The following GOLPH3L variants were observed in gnomAD, a reference collection of about 807,000 sequenced individuals.
GOLPH3L encodes golgi phosphoprotein 3 like, also known as Golgi phosphoprotein 3-like.
Under a neutral mutation model 30.3 loss-of-function variants are expected in GOLPH3L, and 22 were observed. The observed-to-expected ratio is 0.73, with a 90% CI of 0.52 to 1.04. The LOEUF (loss-of-function observed/expected upper bound fraction) is 1.04, where lower values mean the gene tolerates loss of function less well. GOLPH3L is among the 50% of genes least tolerant of loss of function. The probability of loss-of-function intolerance (pLI) is 0.00; values close to 1 mark genes in which losing one functional copy is unlikely to be tolerated. For synonymous variants in GOLPH3L, 120 were observed against 128.2 expected, an observed-to-expected ratio of 0.94 and a Z score of 0.43; for missense variants, 303 against 345.8, an observed-to-expected ratio of 0.88 and a Z score of 0.98.
At chr1:150,656,713 T>TAGGA (rs2101782312) in intron 4 of GOLPH3L, among the ~76,000 whole-genome samples, 1 of 152,320 alleles carries the variant, frequency 6.6e-6, no homozygotes, top group South Asian at 2.1e-4. Context: ...TGTTAAACTA[T>TAGGA]AGGATATGAT....
At chr1:150,653,890 G>T (rs947815892) in intron 4 of GOLPH3L, among the ~76,000 whole-genome samples, 27 of 151,826 alleles carry the variant, frequency 1.8e-4, no homozygotes, top group African/African-American at 6.5e-4. Flanking sequence ...AGCCTCCCAA[G>T]TAGCTGGGAT....
rs969583255 is a variant in GOLPH3L, at chr1:150,686,948, A to G, written c.183+7708T>C. ...ATATGCCTGGATATAATAAAAAACAAAAGTTAATTTTTTTAACAGCTTATG... is the reference window on the plus strand; with the variant it reads ...ATATGCCTGGATATAATAAAAAACAGAAGTTAATTTTTTTAACAGCTTATG... On this transcript the variant is annotated intron_variant, in intron 2 of 4. Transcript: ENST00000271732. Among the ~76,000 whole-genome samples, 34 of 129,032 alleles carry G rather than the reference A, an allele frequency of 2.6e-4. 2 individuals carry two copies. Among genetic ancestry groups the G allele is most frequent in the East Asian group, 1.5e-3 (7 of 4,536 alleles). 84.7% of individuals were successfully genotyped at this position (129,032 alleles called of 152,430 possible).
chr1:150,663,477 C>T (rs1650421444), intron 3 of GOLPH3L, among the ~76,000 whole-genome samples, 155 bp downstream of exon 3: 1 of 152,204 alleles, frequency 6.6e-6, no homozygotes, highest in Non-Finnish European at 1.5e-5. Context: ...TGATTTCTCC[C>T]TCTTGCAATA....
In GOLPH3L at chr1:150,649,328, C is replaced by T. The variant is rs191404785; in HGVS notation, c.431-580G>A. ...GGGTATCACTGTAGGAGAAGTGGGC[C>T]CTTGTGCAGAAGTTCTGCCCAGGAG... On this transcript the variant is annotated intron_variant, in intron 4 of 4. Coordinates refer to ENST00000271732, the MANE Select transcript of GOLPH3L (RefSeq NM_018178.6). Among the ~76,000 whole-genome samples, 241 of 152,252 alleles carry T rather than the reference C, an allele frequency of 1.6e-3. 2 individuals carry two copies. Among genetic ancestry groups the T allele is most frequent in the African/African-American group, 5.7e-3 (236 of 41,548 alleles).
intron 2 of GOLPH3L, among the ~76,000 whole-genome samples, chr1:150,664,019 G>A (rs191952334): frequency 6.6e-4 from 98 of 149,158 alleles, no homozygotes; most frequent in Admixed American, 1.8e-3. Flanking sequence ...TTTTTTTTGA[G>A]ACAGGGTCTC....
rs371392300 is a variant in GOLPH3L at position 150,663,666 on chromosome 1, G to A, written c.281C>T (p.Pro94Leu). 1.7e-5 allele frequency: 28 copies of A among 1,613,242 alleles called. No individual in the cohort carries two copies. The highest frequency in any genetic ancestry group is 1.2e-4 in the Admixed American group (7 of 59,954). ...TAGTAGTCGCTTCTTACGCATGGTC[G>A]GGGGTTCCAGATAGATTCGACCCCG... is the stretch of plus-strand genomic sequence containing the variant. ...AMRGRIYLEP[P>L]TMRKKRLLDR... is the part of the protein sequence containing the mutation. Residue 94 changes from proline to leucine, a missense_variant, in exon 3 of 5, where the codon CCG becomes CTG. Pro to Leu is a moderately conservative substitution (Grantham distance 98). Transcript: ENST00000271732.
In GOLPH3L at chr1:150,663,714, C is replaced by A. The variant is rs772051489; in HGVS notation, c.233G>T (p.Gly78Val). The change falls in exon 3 of 5, where the codon GGC becomes GTC. Residue 78 changes from glycine (G) to valine (V), a missense_variant. Gly to Val is a moderately radical substitution (Grantham distance 109, BLOSUM62 -3). Transcript: ENST00000271732. ...CCGCATGGCCAGCTCTATCAGGATG[C>A]CCCCTCGCAGGCCTGATGATATGCA... ...NDCISSGLRGGILIELAMRGR... is the reference protein window; with the variant it reads ...NDCISSGLRGVILIELAMRGR... 8.1e-6 allele frequency: 13 copies of A among 1,611,894 alleles called. No individual in the cohort carries two copies. In the Admixed American group the frequency reaches 1.0e-4, roughly 12 times the overall value.
At chr1:150,662,953 G>GA (rs1650403557) in intron 3 of GOLPH3L, among the ~76,000 whole-genome samples, 1 of 152,076 alleles carries the variant, frequency 6.6e-6, no homozygotes, top group South Asian at 2.1e-4. Context: ...GAAGGAAACA[G>GA]AATATTATTG....
At position 150,648,586 on chromosome 1, in the gene GOLPH3L, C is replaced by T. The variant is rs587694597; in HGVS notation, c.593G>A (p.Arg198Gln). The change falls in exon 5 of 5, where the codon CGA becomes CAA. Residue 198 changes from arginine (R) to glutamine (Q), a missense_variant. By Grantham distance (43) the Arg-to-Gln change is conservative. Coordinates refer to ENST00000271732, the MANE Select transcript of GOLPH3L (RefSeq NM_018178.6). ...ACTATCTTGAAGTTTTTTCACTAGT[C>T]GCTGTTTCTCTGTTGTATTGGTCAC... ...HPVTNTTEKQ[R>Q]LVKKLQDSVL... is the part of the protein sequence containing the mutation. 13 of 1,613,926 alleles carry T rather than the reference C, an allele frequency of 8.1e-6. 1 individual carries two copies. The highest frequency in any genetic ancestry group is 3.3e-5 in the South Asian group (3 of 91,072).
chr1:150,685,874 CTT>C (rs35375244), intron 2 of GOLPH3L, among the ~76,000 whole-genome samples: 81 of 120,978 alleles, frequency 6.7e-4, no homozygotes, highest in Admixed American at 8.2e-4. Context: ...GTAAGTATGT[CTT>C]TTTTTTTTTT....
intron 2 of GOLPH3L, among the ~76,000 whole-genome samples, chr1:150,671,662 G>A (rs1342889361): frequency 6.6e-6 from 1 of 151,824 alleles, no homozygotes; most frequent in African/African-American, 2.4e-5. Flanking sequence ...AAAATTAGCC[G>A]GGTGTGGTGC....
chr1:150,678,899 C>T (rs1442499169), intron 2 of GOLPH3L, among the ~76,000 whole-genome samples: 2 of 152,128 alleles, frequency 1.3e-5, no homozygotes, highest in South Asian at 2.1e-4. Flanking sequence ...TGCAGTGAGC[C>T]GAGAGCCAAG....
intron 2 of GOLPH3L, among the ~76,000 whole-genome samples, chr1:150,684,840 G>C (rs1651046463): frequency 6.6e-6 from 1 of 151,982 alleles, no homozygotes; most frequent in South Asian, 2.1e-4. Context: ...GCTAATTTTT[G>C]TATTATTAGT....
At chr1:150,687,332 C>T (rs142176364) in intron 2 of GOLPH3L, among the ~76,000 whole-genome samples, 1,854 of 151,920 alleles carry the variant, frequency 0.012, 19 homozygotes, top group Non-Finnish European at 0.018. Flanking sequence ...AATCCCAGCA[C>T]TTTGGGAGGT....
chr1:150,682,778 CAAAT>C (rs1219025247), intron 2 of GOLPH3L, among the ~76,000 whole-genome samples: 4 of 149,806 alleles, frequency 2.7e-5, no homozygotes, highest in South Asian at 2.1e-4. Context: ...AAAAAGAAAA[CAAAT>C]AAAAAAGAGA....
intron 2 of GOLPH3L, among the ~76,000 whole-genome samples, chr1:150,666,768 G>A (rs1438071901): frequency 6.6e-6 from 1 of 151,980 alleles, no homozygotes; most frequent in East Asian, 1.9e-4. Flanking sequence ...GGTGATTTGT[G>A]ATTTTTTGTT....
At chr1:150,695,641 A>T (rs1651334879) in intron 1 of GOLPH3L, among the ~76,000 whole-genome samples, 1 of 152,244 alleles carries the variant, frequency 6.6e-6, no homozygotes, top group Admixed American at 6.5e-5. Flanking sequence ...CACAAAAAAT[A>T]GAAAGTAAAA....
At chr1:150,665,759 T>C (rs1650486806) in intron 2 of GOLPH3L, among the ~76,000 whole-genome samples, 1 of 152,196 alleles carries the variant, frequency 6.6e-6, no homozygotes. Context: ...GCTTACGAAT[T>C]TCTTTGCTCA....
At chr1:150,653,820 C>T (rs587686073) in intron 4 of GOLPH3L, among the ~76,000 whole-genome samples, 6 of 150,080 alleles carry the variant, frequency 4.0e-5, no homozygotes, top group South Asian at 2.1e-4. Flanking sequence ...TGGAGTGCAG[C>T]GGCACAATCT....
Sources: gnomAD v4.1 joint callset for allele counts (sites outside exome capture counted in the v4.1 genomes callset) on GRCh38, gnomAD v4.1.1 for gene constraint, MANE v1.5 for transcripts, NCBI Gene and HGNC (gene_info 2026-07-23, HGNC 2026-07-21) for gene names.